Variants in PDCD1LG2 observed in about 807,000 individuals in gnomAD.
The protein encoded by PDCD1LG2 is B7 dendritic cell molecule.
PDCD1LG2 carries 32 observed loss-of-function variants against 28.2 expected under a neutral mutation model. That is an observed-to-expected ratio of 1.13 (90% CI 0.86 to 1.52). PDCD1LG2 has a LOEUF of 1.52. Among genes scored for constraint, PDCD1LG2 ranks in the 40% most tolerant of loss-of-function variants. The probability of loss-of-function intolerance (pLI) is 0.00; values close to 1 mark genes in which losing one functional copy is unlikely to be tolerated. For synonymous variants in PDCD1LG2, 116 were observed against 120.2 expected (o/e 0.97, Z 0.23); for missense variants, 385 against 323.8 (o/e 1.19, Z -1.45).
intron 2 of PDCD1LG2, among the ~76,000 whole-genome samples, chr9:5,525,820 G>A (rs1435014027): frequency 2.0e-5 from 3 of 151,948 alleles, no homozygotes; most frequent in African/African-American, 7.3e-5. Flanking sequence ...AGGCCAAGGT[G>A]GGCAGATCAC....
rs764548650 is a variant in PDCD1LG2 at position 5,557,767 on chromosome 9, T to C, written c.766+15T>C. 7 of 1,613,650 alleles carry C rather than the reference T, an allele frequency of 4.3e-6. No individual in the cohort carries two copies. The African/African-American group carries it at 9.3e-5, about 22-fold the overall frequency. On this transcript the variant is annotated intron_variant, in intron 5 of 6. Coordinates refer to ENST00000397747, the MANE Select transcript of PDCD1LG2 (RefSeq NM_025239.4). ...TTCTTCAAAAGGTAAGTGAGTTTTA[T>C]TCATGGTAACCCAATGCACTGGGTG...
chr9:5,520,128 T>G (rs746790532), intron 1 of PDCD1LG2, among the ~76,000 whole-genome samples: 11 of 151,134 alleles, frequency 7.3e-5, no homozygotes, highest in Non-Finnish European at 1.5e-4. Context: ...AATAGCCCCC[T>G]AAAAAAAAAT....
intron 3 of PDCD1LG2, among the ~76,000 whole-genome samples, chr9:5,539,568 T>G (rs1820650099): frequency 6.6e-6 from 1 of 152,218 alleles, no homozygotes; most frequent in African/African-American, 2.4e-5. Context: ...GATAAAGGAC[T>G]GTGGTTTCTG....
chr9:5,565,251 T>G lies in PDCD1LG2; in HGVS notation c.816+2040T>G, dbSNP rs144628659. 1.1e-3 allele frequency among the ~76,000 whole-genome samples: 160 copies of G among 152,298 alleles called. 1 individual carries two copies. The highest frequency in any genetic ancestry group is 3.6e-3 in the African/African-American group (148 of 41,562). On this transcript the variant is annotated intron_variant, in intron 6 of 6. Transcript: ENST00000397747. ...AGGTTGGAGTGCAGTGGTATGACCG[T>G]GGCTCACTGCAGCCTCAACTTTTGG...
At chr9:5,536,957 C>A (rs948399635) in intron 3 of PDCD1LG2, among the ~76,000 whole-genome samples, 1 of 152,166 alleles carries the variant, frequency 6.6e-6, no homozygotes, top group African/African-American at 2.4e-5. Flanking sequence ...TGAATATAGT[C>A]CATTGTCCCA....
At chr9:5,535,118 A>T in intron 3 of PDCD1LG2, 68 bp downstream of exon 3, 1 of 1,415,244 alleles carries the variant, frequency 7.1e-7, no homozygotes, top group Non-Finnish European at 9.4e-7. Flanking sequence ...AGTCACAGAA[A>T]CCCATTAAAG....
At chr9:5,565,865 A>T (rs1470333764) in intron 6 of PDCD1LG2, among the ~76,000 whole-genome samples, 1 of 151,914 alleles carries the variant, frequency 6.6e-6, no homozygotes, top group Admixed American at 6.5e-5. Context: ...ATAACGTACA[A>T]CAATAACAAG....
rs985137531 is a variant in PDCD1LG2 at position 5,521,407 on chromosome 9, G to A, written c.-14-1126G>A. Reference sequence around the variant, plus strand: ...ACTTAGACACATATAACCCTCTTTCGTATATCAATTATACTTTAATAAAGC... The same window carrying A: ...ACTTAGACACATATAACCCTCTTTCATATATCAATTATACTTTAATAAAGC... On this transcript the variant is annotated intron_variant, in intron 1 of 6. Coordinates refer to ENST00000397747, the MANE Select transcript of PDCD1LG2 (RefSeq NM_025239.4). Among the ~76,000 whole-genome samples, 8 of 152,092 alleles carry A rather than the reference G, an allele frequency of 5.3e-5. No homozygotes were observed. The East Asian group carries it at 5.8e-4, about 11-fold the overall frequency.
At chr9:5,553,654 G>T (rs1422749249) in intron 4 of PDCD1LG2, among the ~76,000 whole-genome samples, 1 of 152,122 alleles carries the variant, frequency 6.6e-6, no homozygotes. Flanking sequence ...GAGTAAAATG[G>T]CCACTCCACT....
At chr9:5,567,408 A>G (rs1816687366) in intron 6 of PDCD1LG2, among the ~76,000 whole-genome samples, 4 of 152,244 alleles carry the variant, frequency 2.6e-5, no homozygotes, top group Admixed American at 1.3e-4. Context: ...TCTTGTATCT[A>G]ACTTTATCTG....
intron 6 of PDCD1LG2, among the ~76,000 whole-genome samples, chr9:5,567,678 C>T (rs149544748): frequency 0.01 from 1,531 of 152,248 alleles, 29 homozygotes; most frequent in African/African-American, 0.034. Flanking sequence ...AGTCATGATT[C>T]CCAGCATAGT....
At chr9:5,522,335 G>C (rs982365309) in intron 1 of PDCD1LG2, among the ~76,000 whole-genome samples, 198 bp from the exon 2 acceptor site, 2 of 152,212 alleles carry the variant, frequency 1.3e-5, no homozygotes, top group Non-Finnish European at 2.9e-5. Flanking sequence ...GATTTATAAA[G>C]AGTGTCTTGT....
chr9:5,544,331 A>G (rs1344360083), intron 3 of PDCD1LG2, among the ~76,000 whole-genome samples: 5 of 152,234 alleles, frequency 3.3e-5, no homozygotes, highest in African/African-American at 1.2e-4. Context: ...AATGGAGCCC[A>G]GGGATTAAAG....
chr9:5,517,138 A>C (rs1404425312), intron 1 of PDCD1LG2, among the ~76,000 whole-genome samples: 3 of 152,240 alleles, frequency 2.0e-5, no homozygotes, highest in Non-Finnish European at 4.4e-5. Flanking sequence ...TTAAATGGTA[A>C]TGACTGCTTT....
At chr9:5,556,887 G>A (rs907247256) in intron 4 of PDCD1LG2, among the ~76,000 whole-genome samples, 1 of 152,144 alleles carries the variant, frequency 6.6e-6, no homozygotes, top group Non-Finnish European at 1.5e-5. Flanking sequence ...ACTTTACAAG[G>A]CTTTCCCCAG....
Position 5,549,080 on chromosome 9 carries a change from T to C in PDCD1LG2, c.362-255T>C, listed in dbSNP as rs12237624. Among the ~76,000 whole-genome samples the C allele has an allele frequency of 5.9e-3, 899 of 152,318 alleles. 24 individuals are homozygous for C. The East Asian group carries it at 0.079, about 13-fold the overall frequency. On this transcript the variant is annotated intron_variant, in intron 3 of 6. Coordinates refer to ENST00000397747, the MANE Select transcript of PDCD1LG2 (RefSeq NM_025239.4). Reference sequence around the variant, plus strand: ...TATGACTATGAACAAAACACTCAACTTCTCTATCTTCAGTAACCGTCCACA... The same window carrying C: ...TATGACTATGAACAAAACACTCAACCTCTCTATCTTCAGTAACCGTCCACA...
intron 2 of PDCD1LG2, among the ~76,000 whole-genome samples, chr9:5,530,723 T>C (rs1178001392): frequency 6.6e-6 from 1 of 152,206 alleles, no homozygotes; most frequent in Non-Finnish European, 1.5e-5. Flanking sequence ...GAGGATCAGA[T>C]GAAATGATGG....
rs1816744892 is a variant in PDCD1LG2, at chr9:5,570,196, G to A, written c.*237G>A. 1 of 472,138 alleles carries A rather than the reference G, an allele frequency of 2.1e-6. No homozygotes were observed. Among genetic ancestry groups the A allele is most frequent in the Non-Finnish European group, 3.8e-6 (1 of 260,422 alleles). 29.2% of individuals were successfully genotyped at this position (472,138 alleles called of 1,614,324 possible). ...CCTATGGCTTTAAGCAAGCACTACT[G>A]CACTTTACAGAATTACCCCACTGGA... On this transcript the variant is annotated 3_prime_UTR_variant, in exon 7 of 7. Coordinates refer to ENST00000397747, the MANE Select transcript of PDCD1LG2 (RefSeq NM_025239.4).
At position 5,570,014 on chromosome 9, in the gene PDCD1LG2, G is replaced by A. The variant is rs200672658; in HGVS notation, c.*55G>A. ...GATATGACATCTAAAGAAGCTTCTG[G>A]ACTCTGAACAAGAATTCGGTGGCCT... On this transcript the variant is annotated 3_prime_UTR_variant, in exon 7 of 7. Transcript: ENST00000397747. 351 of 1,612,358 alleles carry A rather than the reference G, an allele frequency of 2.2e-4. No homozygotes were observed. The highest frequency in any genetic ancestry group is 2.8e-4 in the Non-Finnish European group (333 of 1,178,580).
Sources: gnomAD v4.1 joint callset for allele counts (sites outside exome capture counted in the v4.1 genomes callset) on GRCh38, gnomAD v4.1.1 for gene constraint, MANE v1.5 for transcripts, NCBI Gene and HGNC (gene_info 2026-07-23, HGNC 2026-07-21) for gene names.